Variants in PDE10A observed in about 807,000 individuals in gnomAD.
PDE10A encodes phosphodiesterase 10A, also known as cAMP and cAMP-inhibited cGMP 3',5'-cyclic phosphodiesterase 10A.
A neutral mutation model predicts 97.7 loss-of-function variants in PDE10A; 39 were observed. The ratio of observed to expected loss-of-function variants is 0.40; its 90% CI spans 0.31 to 0.52. The LOEUF is 0.52. Among genes scored for constraint, PDE10A ranks in the 20% least tolerant of loss-of-function variants. The probability of loss-of-function intolerance (pLI) is 0.56; values close to 1 mark genes in which losing one functional copy is unlikely to be tolerated. For missense variants in PDE10A, 731 were observed against 1,047.8 expected, an observed-to-expected ratio of 0.70 and a Z score of 4.17; for synonymous variants, 371 against 376.8, an observed-to-expected ratio of 0.98 and a Z score of 0.18.
intron 1 of PDE10A, among the ~76,000 whole-genome samples, chr6:165,906,261 G>T (rs369407156): frequency 1.3e-5 from 2 of 151,182 alleles, no homozygotes. Context: ...GGGCGCAGTG[G>T]AAAGGAGGAA....
intron 1 of PDE10A, among the ~76,000 whole-genome samples, chr6:165,972,110 C>T (rs913986842): frequency 6.6e-6 from 1 of 152,128 alleles, no homozygotes; most frequent in African/African-American, 2.4e-5. Context: ...AAAGAAAATA[C>T]ATAATTACTC....
chr6:165,546,698 G>A (rs1408595405), intron 1 of PDE10A, among the ~76,000 whole-genome samples: 2 of 152,116 alleles, frequency 1.3e-5, no homozygotes, highest in African/African-American at 4.8e-5. Context: ...ATGAGTGGTA[G>A]ATGGTGGGGA....
At chr6:165,856,654 G>A (rs1198001351) in intron 1 of PDE10A, among the ~76,000 whole-genome samples, 1 of 152,210 alleles carries the variant, frequency 6.6e-6, no homozygotes, top group African/African-American at 2.4e-5. Context: ...CACGTTGTTA[G>A]TTAAATATTC....
chr6:165,692,710 A>G (rs1482942862), intron 1 of PDE10A, among the ~76,000 whole-genome samples: 2 of 152,236 alleles, frequency 1.3e-5, no homozygotes, highest in Non-Finnish European at 2.9e-5. Context: ...AACCTTAGAC[A>G]GCAGGTTTTA....
At chr6:165,404,989 T>C (rs1187424982) in intron 13 of PDE10A, among the ~76,000 whole-genome samples, 1 of 152,200 alleles carries the variant, frequency 6.6e-6, no homozygotes, top group African/African-American at 2.4e-5. Context: ...CTACTGTCTA[T>C]GGCACCATAG....
At chr6:165,852,800 A>T (rs1292344966) in intron 1 of PDE10A, among the ~76,000 whole-genome samples, 4 of 152,146 alleles carry the variant, frequency 2.6e-5, no homozygotes, top group Non-Finnish European at 5.9e-5. Flanking sequence ...GCTGGTCCTG[A>T]TCTAACACAT....
At chr6:165,368,034 A>C (rs1740811) in intron 18 of PDE10A, among the ~76,000 whole-genome samples, 71,150 of 152,094 alleles carry the variant, frequency 0.47, 17,544 homozygotes, top group African/African-American at 0.63. Flanking sequence ...CTTGCTCTGT[A>C]GCCCAGACTG....
At chr6:165,568,303 T>C (rs1784892327) in intron 1 of PDE10A, among the ~76,000 whole-genome samples, 1 of 152,078 alleles carries the variant, frequency 6.6e-6, no homozygotes, top group Non-Finnish European at 1.5e-5. Context: ...CCGGCCAGCA[T>C]TTTTTTAAAG....
intron 1 of PDE10A, among the ~76,000 whole-genome samples, chr6:165,648,153 T>G (rs1405867205): frequency 6.6e-6 from 1 of 152,036 alleles, no homozygotes. Context: ...GCTGGGACTA[T>G]AGGCGCCCAC....
At chr6:165,844,267 C>T (rs1418672313) in intron 1 of PDE10A, among the ~76,000 whole-genome samples, 3 of 152,066 alleles carry the variant, frequency 2.0e-5, no homozygotes, top group Non-Finnish European at 4.4e-5. Context: ...GGTCAGAGGG[C>T]CTCAGAATAT....
chr6:165,543,611 C>T (rs373162545), intron 1 of PDE10A, 43 bp from the exon 2 acceptor site: 4 of 1,500,310 alleles, frequency 2.7e-6, no homozygotes, highest in Non-Finnish European at 3.7e-6. Flanking sequence ...TATACAACAT[C>T]CTCATATCAA....
chr6:165,958,000 T>C (rs958435457), intron 1 of PDE10A, among the ~76,000 whole-genome samples: 2 of 152,196 alleles, frequency 1.3e-5, no homozygotes, highest in African/African-American at 4.8e-5. Flanking sequence ...ATCTCAAGCA[T>C]GATCGTAACG....
intron 13 of PDE10A, among the ~76,000 whole-genome samples, chr6:165,398,272 G>C (rs1786337033): frequency 6.6e-6 from 1 of 152,210 alleles, no homozygotes; most frequent in East Asian, 1.9e-4. Context: ...GCAGAGGCAG[G>C]CAGCAAGACT....
At chr6:165,541,519 A>G (rs1360662314) in intron 2 of PDE10A, among the ~76,000 whole-genome samples, 1 of 152,212 alleles carries the variant, frequency 6.6e-6, no homozygotes, top group Non-Finnish European at 1.5e-5. Flanking sequence ...TGGTAGCACT[A>G]CAATAGGTTC....
intron 1 of PDE10A, among the ~76,000 whole-genome samples, chr6:165,726,163 A>T (rs1582998939): frequency 6.6e-6 from 1 of 152,304 alleles, no homozygotes; most frequent in Non-Finnish European, 1.5e-5. Context: ...GAGAGAATTA[A>T]GGGGTTTCCG....
chr6:165,637,712 G>T (rs965707827), intron 1 of PDE10A, among the ~76,000 whole-genome samples: 5 of 152,122 alleles, frequency 3.3e-5, no homozygotes, highest in African/African-American at 9.7e-5. Flanking sequence ...CAAGGACAGG[G>T]GTCATCGACC....
chr6:165,496,236 A>G (rs773813063), intron 2 of PDE10A, among the ~76,000 whole-genome samples: 4 of 152,066 alleles, frequency 2.6e-5, no homozygotes, highest in Non-Finnish European at 4.4e-5. Flanking sequence ...GTCCTTCCAG[A>G]CTCAGCTCAA....
At chr6:165,428,529 T>C (rs1789326376) in intron 10 of PDE10A, 129 bp downstream of exon 10, 3 of 595,862 alleles carry the variant, frequency 5.0e-6, no homozygotes, top group Non-Finnish European at 6.0e-6. Context: ...TCAAGGTGAA[T>C]TCCTAAGCCA....
intron 2 of PDE10A, among the ~76,000 whole-genome samples, chr6:165,507,917 C>A (rs942772998): frequency 1.3e-5 from 2 of 151,898 alleles, no homozygotes; most frequent in Admixed American, 6.6e-5. Flanking sequence ...TAAACCACCT[C>A]AAAAAACAAA....
Sources: allele counts gnomAD v4.1 joint callset (sites outside exome capture counted in the v4.1 genomes callset), GRCh38; gene constraint gnomAD v4.1.1; transcripts MANE v1.5; gene names NCBI Gene and HGNC (gene_info 2026-07-23, HGNC 2026-07-21).